The following FOXP2 variants were observed in gnomAD, a reference collection of about 807,000 sequenced individuals.
FOXP2 encodes the protein forkhead box P2.
Under a neutral mutation model 115.8 loss-of-function variants are expected in FOXP2, and 12 were observed. The observed-to-expected ratio is 0.10, with a 90% confidence interval of 0.07 to 0.17. The LOEUF is 0.17. Among genes scored for constraint, FOXP2 ranks in the 10% least tolerant of loss-of-function variants. The probability of loss-of-function intolerance (pLI) is 1.00; values close to 1 mark genes in which losing one functional copy is unlikely to be tolerated. For missense variants in FOXP2, 629 were observed against 843.5 expected (o/e 0.75, Z 3.15); for synonymous variants, 328 against 297.7 (o/e 1.10, Z -1.05).
chr7:114,667,943 TAAG>T (rs1452755309), intron 16 of FOXP2: 1 of 152,072 alleles, frequency 6.6e-6, no homozygotes, highest in Non-Finnish European at 1.5e-5. Context: ...AGAATCCGTA[TAAG>T]AAGTGCTGTG....
rs116162545 is a variant in FOXP2 at position 114,326,925 on chromosome 7, T to C, written c.-11+38816T>C. Among the ~76,000 whole-genome samples the C allele has an allele frequency of 5.4e-3, 824 of 152,332 alleles. 9 individuals carry two copies. Among genetic ancestry groups the C allele is most frequent in the African/African-American group, 0.019 (784 of 41,576 alleles). ...TTTTATTAACCTGTATTGGACATCC[T>C]TCAAATGACCTACATTTATTTTCTT... On this transcript the variant is annotated intron_variant, in intron 2 of 17. Coordinates refer to the FOXP2 transcript ENST00000634411.
intron 2 of FOXP2, among the ~76,000 whole-genome samples, chr7:114,484,051 A>G (rs1215891934): frequency 2.6e-5 from 4 of 151,824 alleles, no homozygotes; most frequent in Non-Finnish European, 5.9e-5. Flanking sequence ...TTAATGTTAT[A>G]TGAAGTCAGA....
upstream of FOXP2, among the ~76,000 whole-genome samples, chr7:114,412,926 T>G (rs1793200864): frequency 6.6e-6 from 1 of 152,138 alleles, no homozygotes; most frequent in African/African-American, 2.4e-5. Flanking sequence ...GATGCAAATA[T>G]TTTACTTAAA....
intron 1 of FOXP2, among the ~76,000 whole-genome samples, chr7:114,157,839 G>A (rs1792709693): frequency 6.6e-6 from 1 of 152,234 alleles, no homozygotes; most frequent in East Asian, 1.9e-4. Context: ...TTTGGTAGAT[G>A]TGAGAAATAT....
intron 2 of FOXP2, among the ~76,000 whole-genome samples, chr7:114,458,360 T>C (rs563726645): frequency 6.6e-6 from 1 of 152,032 alleles, no homozygotes; most frequent in Non-Finnish European, 1.5e-5. Flanking sequence ...GGGAGTAATG[T>C]TATTCTTATA....
intron 1 of FOXP2, among the ~76,000 whole-genome samples, chr7:114,135,033 G>A (rs1839561): frequency 0.14 from 21,210 of 152,112 alleles, 1,955 homozygotes; most frequent in East Asian, 0.39. Context: ...TGCATATATC[G>A]TTGTCCAGTT....
chr7:114,347,270 C>CATGT (rs536379277), intron 2 of FOXP2, among the ~76,000 whole-genome samples: 3 of 151,778 alleles, frequency 2.0e-5, no homozygotes, highest in Non-Finnish European at 2.9e-5. Context: ...GGATAAGGTA[C>CATGT]ATGTATGTAT....
intron 2 of FOXP2, among the ~76,000 whole-genome samples, chr7:114,514,704 T>G (rs533529354): frequency 5.3e-5 from 8 of 151,492 alleles, no homozygotes; most frequent in Admixed American, 5.3e-4. Context: ...TTTATTTATT[T>G]TTTATATTTT....
intron 2 of FOXP2, among the ~76,000 whole-genome samples, chr7:114,316,840 T>C (rs574272733): frequency 6.6e-6 from 1 of 152,306 alleles, no homozygotes; most frequent in South Asian, 2.1e-4. Flanking sequence ...TTCTAATTTT[T>C]TTTTTAAATT....
chr7:114,591,760 T>C (rs1802448137), intron 3 of FOXP2, among the ~76,000 whole-genome samples: 1 of 152,042 alleles, frequency 6.6e-6, no homozygotes, highest in Non-Finnish European at 1.5e-5. Flanking sequence ...CTGATAAGGA[T>C]TTTTTTCCAC....
At chr7:114,566,532 G>A (rs1021483091) in intron 3 of FOXP2, among the ~76,000 whole-genome samples, 2 of 151,992 alleles carry the variant, frequency 1.3e-5, no homozygotes, top group Non-Finnish European at 2.9e-5. Flanking sequence ...TTCTACACAC[G>A]TGTTTCCCCT....
chr7:114,155,627 G>GT (rs774839340), intron 1 of FOXP2, among the ~76,000 whole-genome samples: 2 of 152,056 alleles, frequency 1.3e-5, no homozygotes, highest in Non-Finnish European at 2.9e-5. Context: ...AGTGGAAAGT[G>GT]TCTGTGTCAT....
chr7:114,389,237 A>T (rs1049594477), intron 2 of FOXP2, among the ~76,000 whole-genome samples: 4 of 152,228 alleles, frequency 2.6e-5, no homozygotes, highest in African/African-American at 9.6e-5. Context: ...ATTTTATAGC[A>T]TACCAAGACA....
rs528456632 is a variant in FOXP2 at position 114,255,599 on chromosome 7, G to A, written c.-101-32420G>A. 2.2e-3 allele frequency among the ~76,000 whole-genome samples: 337 copies of A among 152,368 alleles called. 2 individuals carry two copies. Among genetic ancestry groups the A allele is most frequent in the Non-Finnish European group, 3.3e-3 (224 of 68,040 alleles). ...GCGTGGGACCCTCCGAGCCAGGCGG[G>A]CAATATAATCTCCTGGTGTGGCGTT... On this transcript the variant is annotated intron_variant, in intron 1 of 17. Transcript: ENST00000634411.
chr7:114,580,368 A>C (rs996434709), intron 3 of FOXP2, among the ~76,000 whole-genome samples: 38 of 152,336 alleles, frequency 2.5e-4, no homozygotes, highest in African/African-American at 7.9e-4. Flanking sequence ...ACCTGAGGTC[A>C]GGAGTTCGAG....
In FOXP2 at chr7:114,469,886, A is replaced by G. The variant is rs1274757915; in HGVS notation, c.168+43207A>G. Among the ~76,000 whole-genome samples, 4 of 152,286 alleles carry G rather than the reference A, an allele frequency of 2.6e-5. No homozygotes were observed. The East Asian group carries it at 7.7e-4, about 29-fold the overall frequency. On this transcript the variant is annotated intron_variant, in intron 2 of 16. Coordinates refer to ENST00000350908, the MANE Select transcript of FOXP2 (RefSeq NM_014491.4). ...CTTTATAGTACTAAACCATGAAGCT[A>G]TTTAAATTATTTTGGTTTTGAAAGC... is the stretch of plus-strand genomic sequence containing the variant.
chr7:114,650,200 C>A (rs559661420), intron 8 of FOXP2, among the ~76,000 whole-genome samples: 5 of 151,882 alleles, frequency 3.3e-5, no homozygotes, highest in Non-Finnish European at 5.9e-5. Flanking sequence ...AATATAAGAT[C>A]ATGATTATCA....
intron 3 of FOXP2, among the ~76,000 whole-genome samples, chr7:114,581,923 T>C (rs937947243): frequency 6.6e-5 from 10 of 152,178 alleles, no homozygotes; most frequent in African/African-American, 1.9e-4. Flanking sequence ...CAATAGAATA[T>C]ACCATAGAGC....
rs1164899429 is a variant in FOXP2 at position 114,284,904 on chromosome 7, A to G, written c.-101-3115A>G. ...AACAGGGATGGAACTGGAGGCCATT[A>G]TCCTTAGCAAACTAATGCAGGAACA... On this transcript the variant is annotated intron_variant, in intron 1 of 17. Coordinates refer to the FOXP2 transcript ENST00000634411. Among the ~76,000 whole-genome samples the G allele has an allele frequency of 2.0e-5, 3 of 152,212 alleles. No individual in the cohort carries two copies. In the East Asian group the frequency reaches 5.8e-4, roughly 29 times the overall value.
Sources: gnomAD v4.1 joint callset for allele counts (sites outside exome capture counted in the v4.1 genomes callset) on GRCh38, gnomAD v4.1.1 for gene constraint, MANE v1.5 for transcripts, NCBI Gene and HGNC (gene_info 2026-07-23, HGNC 2026-07-21) for gene names.